TANC2: variants seen among roughly 807,000 people sequenced by gnomAD.
TANC2 encodes the protein protein TANC2.
Under a neutral mutation model 210.5 loss-of-function variants are expected in TANC2, and 26 were observed. The observed-to-expected ratio is 0.12, with a 90% confidence interval of 0.09 to 0.17. The LOEUF (loss-of-function observed/expected upper bound fraction) is 0.17, where lower values mean the gene tolerates loss of function less well. Ranked by LOEUF, TANC2 falls within the 10% of genes least tolerant of loss-of-function variation. The pLI is 1.00. For missense variants in TANC2, 2,129 were observed against 2,608.9 expected (o/e 0.82, Z 4.01); for synonymous variants, 931 against 967.1 (o/e 0.96, Z 0.69).
intron 12 of TANC2, among the ~76,000 whole-genome samples, chr17:63,350,084 C>T (rs956072823): frequency 6.6e-6 from 1 of 152,148 alleles, no homozygotes; most frequent in African/African-American, 2.4e-5. Context: ...AGGAGAAAAA[C>T]AATAAGGGCT....
At position 63,270,069 on chromosome 17, in the gene TANC2, G is replaced by A. The variant is rs548951394; in HGVS notation, c.1159+2196G>A. On this transcript the variant is annotated intron_variant, in intron 9 of 27. Coordinates refer to ENST00000689528, the Ensembl canonical transcript of TANC2. ...GAGCTTTCCTTTTAGCAGTCTAAAC[G>A]GTTAGAACATGCCATCCAGCTGGGT... Among the ~76,000 whole-genome samples the A allele has an allele frequency of 1.4e-4, 21 of 152,180 alleles. No individual in the cohort carries two copies. In the East Asian group the frequency reaches 3.7e-3, roughly 27 times the overall value.
intron 8 of TANC2, among the ~76,000 whole-genome samples, chr17:63,252,463 C>T (rs1481331942): frequency 1.3e-5 from 2 of 152,016 alleles, no homozygotes; most frequent in African/African-American, 4.8e-5. Flanking sequence ...CCCTGTTTTG[C>T]TGTCAAATAC....
intron 11 of TANC2, among the ~76,000 whole-genome samples, chr17:63,331,769 C>T (rs1438092120): frequency 5.3e-5 from 8 of 151,400 alleles, no homozygotes; most frequent in African/African-American, 1.9e-4. Flanking sequence ...AATAAAAAAC[C>T]AAACAACCTT....
intron 4 of TANC2, among the ~76,000 whole-genome samples, chr17:63,128,542 C>G (rs1384029063): frequency 6.6e-6 from 1 of 152,144 alleles, no homozygotes; most frequent in Non-Finnish European, 1.5e-5. Context: ...CATATTCAAA[C>G]AAAAGGCCTT....
chr17:63,213,391 C>G (rs2041941354), intron 7 of TANC2, among the ~76,000 whole-genome samples: 1 of 152,218 alleles, frequency 6.6e-6, no homozygotes, highest in Admixed American at 6.5e-5. Flanking sequence ...AGCTTGCATT[C>G]TCTAGCTTTC....
chr17:63,364,853 T>C (rs2047064690), intron 14 of TANC2, among the ~76,000 whole-genome samples: 1 of 152,106 alleles, frequency 6.6e-6, no homozygotes, highest in African/African-American at 2.4e-5. Context: ...ATCTATATTG[T>C]TTGTAAAAGG....
At chr17:63,115,507 C>T (rs562568313) in intron 4 of TANC2, among the ~76,000 whole-genome samples, 2 of 152,256 alleles carry the variant, frequency 1.3e-5, no homozygotes, top group African/African-American at 4.8e-5. Flanking sequence ...CGCTAGTCCG[C>T]AGTATCTGTA....
At chr17:63,399,446 T>C (rs1247380969) in intron 19 of TANC2, among the ~76,000 whole-genome samples, 2 of 152,256 alleles carry the variant, frequency 1.3e-5, no homozygotes, top group Admixed American at 6.5e-5. Context: ...CCCAGCCTCA[T>C]GCAGTTCCTG....
chr17:63,362,651 A>G (rs1006597747), intron 14 of TANC2, among the ~76,000 whole-genome samples: 5 of 152,332 alleles, frequency 3.3e-5, no homozygotes, highest in Admixed American at 3.3e-4. Flanking sequence ...TGGCGTGTCA[A>G]CACTGCCCTG....
intron 4 of TANC2, among the ~76,000 whole-genome samples, chr17:63,099,783 A>G (rs910543344): frequency 2.0e-5 from 3 of 152,116 alleles, no homozygotes; most frequent in African/African-American, 7.2e-5. Flanking sequence ...TATATTTTAT[A>G]TATTTTTTTA....
intron 2 of TANC2, among the ~76,000 whole-genome samples, chr17:63,039,143 T>G (rs911297477): frequency 6.6e-6 from 1 of 152,210 alleles, no homozygotes; most frequent in Admixed American, 6.5e-5. Flanking sequence ...AAAAATTACT[T>G]TCATAAGCTA....
intron 2 of TANC2, among the ~76,000 whole-genome samples, chr17:63,050,561 C>T (rs545254978): frequency 1.3e-5 from 2 of 152,198 alleles, no homozygotes; most frequent in African/African-American, 2.4e-5. Flanking sequence ...CTGGGGCAGT[C>T]TATCATGTAG....
intron 1 of TANC2, among the ~76,000 whole-genome samples, chr17:63,007,520 C>G (rs2033675010): frequency 6.6e-6 from 1 of 152,092 alleles, no homozygotes; most frequent in East Asian, 1.9e-4. Flanking sequence ...CAGATCTATG[C>G]TGCTTTTTCT....
At chr17:63,369,103 T>G (rs540343885) in intron 14 of TANC2, among the ~76,000 whole-genome samples, 53 of 152,310 alleles carry the variant, frequency 3.5e-4, no homozygotes, top group Admixed American at 9.8e-4. Flanking sequence ...CGGGGATCCT[T>G]GCTAGAAGGA....
At chr17:62,985,995 G>A (rs2032547350) in intron 1 of TANC2, among the ~76,000 whole-genome samples, 3 of 152,130 alleles carry the variant, frequency 2.0e-5, no homozygotes, top group Admixed American at 2.0e-4. Flanking sequence ...CCAATTTTAT[G>A]GAGTAGGCTT....
At chr17:63,246,587 T>C (rs953970745) in intron 8 of TANC2, among the ~76,000 whole-genome samples, 6 of 152,184 alleles carry the variant, frequency 3.9e-5, no homozygotes, top group South Asian at 2.1e-4. Flanking sequence ...CTCTTGTATC[T>C]GGCTTCTTTC....
chr17:63,218,946 A>G (rs2042096079), intron 7 of TANC2, among the ~76,000 whole-genome samples: 2 of 152,188 alleles, frequency 1.3e-5, no homozygotes, highest in South Asian at 2.1e-4. Flanking sequence ...TGTAGGATCA[A>G]TATGCAAAAA....
At chr17:63,133,499 C>T (rs2038991306) in intron 4 of TANC2, among the ~76,000 whole-genome samples, 1 of 152,130 alleles carries the variant, frequency 6.6e-6, no homozygotes, top group South Asian at 2.1e-4. Context: ...GAATAACCTT[C>T]CATAATTCTT....
chr17:63,237,060 A>T (rs529294484), intron 7 of TANC2, among the ~76,000 whole-genome samples: 1 of 152,244 alleles, frequency 6.6e-6, no homozygotes, highest in South Asian at 2.1e-4. Context: ...TTCTTTGAGA[A>T]ATCTCTGTAT....
Sources: allele counts gnomAD v4.1 joint callset (sites outside exome capture counted in the v4.1 genomes callset), GRCh38; gene constraint gnomAD v4.1.1; transcripts MANE v1.5; gene names NCBI Gene and HGNC (gene_info 2026-07-23, HGNC 2026-07-21).